Variants in SYNE1 observed in about 807,000 individuals in gnomAD.
SYNE1 encodes nesprin-1.
A neutral mutation model predicts 1,111.0 loss-of-function variants in SYNE1; 616 were observed. That is an observed-to-expected ratio of 0.55 (90% confidence interval 0.52 to 0.59). SYNE1 has a LOEUF of 0.59. SYNE1 is among the 20% of genes least tolerant of loss of function. The probability of loss-of-function intolerance (pLI) is 0.00; values close to 1 mark genes in which losing one functional copy is unlikely to be tolerated. For missense variants in SYNE1, 10,006 were observed against 10,417.0 expected (o/e 0.96, Z 1.72); for synonymous variants, 3,855 against 3,825.8 (o/e 1.01, Z -0.28).
At position 152,359,469 on chromosome 6, in the gene SYNE1, T is replaced by G. The variant is rs540969308; in HGVS notation, c.10300-11A>C. 6.2e-7 allele frequency: 1 copy of G among 1,614,128 alleles called. No individual in the cohort carries two copies. Among genetic ancestry groups the G allele is most frequent in the South Asian group, 1.1e-5 (1 of 91,084 alleles). On this transcript the variant is annotated splice_polypyrimidine_tract_variant and intron_variant, in intron 64 of 145. Coordinates refer to ENST00000367255, the MANE Select transcript of SYNE1 (RefSeq NM_182961.4). ...TTCTTCATTTAATAACTAGAGAGCA[T>G]TTAAGAAAAATAAAGTGGCCATTCA...
intron 130 of SYNE1, among the ~76,000 whole-genome samples, chr6:152,169,470 G>A (rs1248819511): frequency 1.3e-5 from 2 of 149,204 alleles, no homozygotes; most frequent in African/African-American, 4.9e-5. Flanking sequence ...GCTGAGGCAG[G>A]AGAATGGCGT....
At chr6:152,242,505 G>T in intron 106 of SYNE1, 65 bp from the exon 107 acceptor site, 1 of 1,579,072 alleles carries the variant, frequency 6.3e-7, no homozygotes, top group South Asian at 1.1e-5. Context: ...AAAAGCATAT[G>T]AACTATGAAC....
chr6:152,582,230 A>T (rs1156885755), intron 3 of SYNE1, among the ~76,000 whole-genome samples: 2 of 152,110 alleles, frequency 1.3e-5, no homozygotes, highest in Non-Finnish European at 2.9e-5. Context: ...GCTGGTAAAA[A>T]TTCTCCTTAG....
At chr6:152,214,411 A>T (rs2078174768) in intron 122 of SYNE1, among the ~76,000 whole-genome samples, 1 of 152,186 alleles carries the variant, frequency 6.6e-6, no homozygotes, top group Non-Finnish European at 1.5e-5. Context: ...TATGGGAAAG[A>T]TCAGAATTTA....
At chr6:152,485,654 A>G (rs928605577) in intron 12 of SYNE1, among the ~76,000 whole-genome samples, 1 of 152,214 alleles carries the variant, frequency 6.6e-6, no homozygotes, top group Non-Finnish European at 1.5e-5. Flanking sequence ...TATATTTTAC[A>G]TTAACTAAAT....
chr6:152,377,347 C>G (rs563810083), intron 56 of SYNE1, among the ~76,000 whole-genome samples: 2 of 151,708 alleles, frequency 1.3e-5, no homozygotes, highest in African/African-American at 4.8e-5. Flanking sequence ...TGGTGGCTCA[C>G]GCCTGTAATT....
At chr6:152,530,453 G>A (rs866554994) in intron 4 of SYNE1, among the ~76,000 whole-genome samples, 1 of 144,884 alleles carries the variant, frequency 6.9e-6, no homozygotes, top group South Asian at 2.2e-4. Flanking sequence ...ATCTTCAGAA[G>A]AACCTAATTG....
At chr6:152,425,132 G>A (rs567102965) in intron 39 of SYNE1, among the ~76,000 whole-genome samples, 36 of 152,156 alleles carry the variant, frequency 2.4e-4, no homozygotes, top group African/African-American at 6.7e-4. Flanking sequence ...CAATCCTACC[G>A]TCTTTAATCT....
chr6:152,243,976 T>C (rs2086433702), intron 106 of SYNE1, among the ~76,000 whole-genome samples: 1 of 152,244 alleles, frequency 6.6e-6, no homozygotes, highest in South Asian at 2.1e-4. Flanking sequence ...TCTCTGTTCC[T>C]GAAGGATGAT....
intron 100 of SYNE1, among the ~76,000 whole-genome samples, chr6:152,265,497 T>C (rs144116659): frequency 3.4e-4 from 52 of 152,306 alleles, no homozygotes; most frequent in Admixed American, 2.5e-3. Context: ...GCTTTGAAGT[T>C]CCTATGAGGT....
At chr6:152,555,889 C>A (rs2099363555) in intron 3 of SYNE1, among the ~76,000 whole-genome samples, 1 of 152,098 alleles carries the variant, frequency 6.6e-6, no homozygotes, top group South Asian at 2.1e-4. Flanking sequence ...CAGAATAAAA[C>A]TTACTACTGT....
rs2098693074 is a variant in SYNE1, at chr6:152,455,987, T to C, written c.2626A>G (p.Ser876Gly). The change falls in exon 23 of 146, where the codon AGT (serine) becomes GGT (glycine). Residue 876 changes from serine (S) to glycine (G), a missense_variant. By Grantham distance (56) the Ser-to-Gly change is moderately conservative. Transcript: ENST00000367255. ...GTCACAAACTTTTGAACACTTTGAC[T>C]GCCTTTCTCAATAAGTGTCAAGGTT... ...KKTLTLIEKGSQSVQKFVTLS... is the reference protein window; with the variant it reads ...KKTLTLIEKGGQSVQKFVTLS... The C allele has an allele frequency of 6.2e-7, 1 of 1,614,128 alleles. No homozygotes were observed. The highest frequency in any genetic ancestry group is 8.5e-7 in the Non-Finnish European group (1 of 1,179,988).
chr6:152,138,521 A>G (rs900402308), intron 140 of SYNE1, among the ~76,000 whole-genome samples: 2 of 88,574 alleles, frequency 2.3e-5, no homozygotes, highest in Non-Finnish European at 5.0e-5. Flanking sequence ...AAAAATAAAT[A>G]AATAAATAAA....
chr6:152,273,168 G>A (rs1288943270), intron 98 of SYNE1, among the ~76,000 whole-genome samples: 1 of 152,196 alleles, frequency 6.6e-6, no homozygotes, highest in East Asian at 1.9e-4. Flanking sequence ...GGCAGGGTCA[G>A]GACTTGACTC....
At chr6:152,251,647 T>C (rs1314359054) in intron 104 of SYNE1, among the ~76,000 whole-genome samples, 1 of 150,492 alleles carries the variant, frequency 6.6e-6, no homozygotes, top group Non-Finnish European at 1.5e-5. Flanking sequence ...TAGTCCCAGC[T>C]ACTTGGGAGG....
intron 3 of SYNE1, among the ~76,000 whole-genome samples, chr6:152,606,651 G>GTTTGTTTGTTTTT (rs10692955): frequency 6.6e-6 from 1 of 151,782 alleles, no homozygotes; most frequent in African/African-American, 2.4e-5. Flanking sequence ...TTTTTTGTTT[G>GTTTGTTTGTTTTT]TTTGTTTGTT....
At chr6:152,364,489 CA>C (rs2097016221) in intron 63 of SYNE1, among the ~76,000 whole-genome samples, 1 of 149,570 alleles carries the variant, frequency 6.7e-6, no homozygotes, top group Non-Finnish European at 1.5e-5. Context: ...GCAACAACAA[CA>C]AAAAGAAACA....
rs372724336 is a variant in SYNE1 at position 152,214,380 on chromosome 6, T to C, written c.22346+526A>G. On this transcript the variant is annotated intron_variant, in intron 122 of 145. Transcript: ENST00000367255. ...CTTTACAATTTGAATTTCCCACTTT[T>C]AGTTCAAATTTTGTCAGTGTTATGG... Among the ~76,000 whole-genome samples the C allele has an allele frequency of 1.9e-4, 29 of 152,312 alleles. 3 individuals are homozygous for C. Among genetic ancestry groups the C allele is most frequent in the Admixed American group, 1.2e-3 (19 of 15,300 alleles).
Position 152,316,829 on chromosome 6 carries a change from A to G in SYNE1, c.16710+20T>C. The G allele has an allele frequency of 1.2e-6, 2 of 1,613,916 alleles. No individual in the cohort carries two copies. Among genetic ancestry groups the G allele is most frequent in the Non-Finnish European group, 1.7e-6 (2 of 1,179,928 alleles). ...AATTGCCCTTGGTTACTTTTTAAAG[A>G]TTATTTTTCCTAAGGTTACCTGATG... On this transcript the variant is annotated intron_variant, in intron 87 of 145. Coordinates refer to ENST00000367255, the MANE Select transcript of SYNE1 (RefSeq NM_182961.4).
Sources: gnomAD v4.1 joint callset for allele counts (sites outside exome capture counted in the v4.1 genomes callset) on GRCh38, gnomAD v4.1.1 for gene constraint, MANE v1.5 for transcripts, NCBI Gene and HGNC (gene_info 2026-07-23, HGNC 2026-07-21) for gene names.